SLC10A7: variants seen among roughly 807,000 people sequenced by gnomAD.
SLC10A7 encodes the protein solute carrier family 10 member 7.
SLC10A7 carries 29 observed loss-of-function variants against 43.2 expected under a neutral mutation model. The ratio of observed to expected loss-of-function variants is 0.67; its 90% confidence interval spans 0.50 to 0.92. The LOEUF (loss-of-function observed/expected upper bound fraction) is 0.92, where lower values mean the gene tolerates loss of function less well. Among genes scored for constraint, SLC10A7 ranks in the 40% least tolerant of loss-of-function variants. SLC10A7 has a pLI of 0.00. For synonymous variants in SLC10A7, 152 were observed against 144.8 expected (o/e 1.05, Z -0.35); for missense variants, 295 against 403.2 (o/e 0.73, Z 2.30).
intron 10 of SLC10A7, among the ~76,000 whole-genome samples, chr4:146,281,025 T>C (rs1461410478): frequency 6.6e-6 from 1 of 152,146 alleles, no homozygotes; most frequent in Non-Finnish European, 1.5e-5. Context: ...CAGCATCATA[T>C]TGGAGGATCT....
intron 4 of SLC10A7, among the ~76,000 whole-genome samples, chr4:146,469,036 C>T (rs1352941103): frequency 6.6e-6 from 1 of 152,020 alleles, no homozygotes. Context: ...TCAGGGTTCT[C>T]CTGAAATTTC....
chr4:146,292,710 A>G (rs566489933), intron 9 of SLC10A7, among the ~76,000 whole-genome samples: 2 of 152,342 alleles, frequency 1.3e-5, no homozygotes, highest in African/African-American at 4.8e-5. Context: ...GGCCTGCCTA[A>G]GCACTCAATG....
At chr4:146,454,188 A>G (rs1358346918) in intron 4 of SLC10A7, among the ~76,000 whole-genome samples, 2 of 151,966 alleles carry the variant, frequency 1.3e-5, no homozygotes, top group Admixed American at 1.3e-4. Context: ...TCACAATAAC[A>G]ATACCTAATA....
chr4:146,361,727 A>G (rs1309383681), intron 5 of SLC10A7, among the ~76,000 whole-genome samples: 2 of 152,198 alleles, frequency 1.3e-5, no homozygotes, highest in African/African-American at 4.8e-5. Flanking sequence ...CATGACATCA[A>G]CAAACAGACT....
intron 5 of SLC10A7, among the ~76,000 whole-genome samples, chr4:146,389,726 G>C (rs1205078845): frequency 2.0e-5 from 3 of 152,174 alleles, no homozygotes; most frequent in Admixed American, 6.5e-5. Flanking sequence ...CAGGGAGGGG[G>C]AATGGCTGTT....
In SLC10A7 at chr4:146,323,439, A is replaced by C. The variant is rs1334227672; in HGVS notation, c.471+2522T>G. Among the ~76,000 whole-genome samples, 12 of 152,278 alleles carry C rather than the reference A, an allele frequency of 7.9e-5. No homozygotes were observed. In the East Asian group the frequency reaches 2.3e-3, roughly 29 times the overall value. On this transcript the variant is annotated intron_variant, in intron 6 of 11. Coordinates refer to ENST00000335472, the MANE Select transcript of SLC10A7 (RefSeq NM_001029998.6). ...GGAAGGGATCCAGTTTCAGCTTTCT[A>C]CATATGGCTAGCCAGTTTTCCCAGC...
chr4:146,519,322 T>TATG (rs1738397031), intron 1 of SLC10A7, among the ~76,000 whole-genome samples: 1 of 144,734 alleles, frequency 6.9e-6, no homozygotes, highest in African/African-American at 2.5e-5. Context: ...TAATACATTA[T>TATG]TTAACATAAT....
At chr4:146,311,176 T>C (rs1479239642) in intron 6 of SLC10A7, among the ~76,000 whole-genome samples, 1 of 152,102 alleles carries the variant, frequency 6.6e-6, no homozygotes, top group East Asian at 1.9e-4. Flanking sequence ...GGAAGCAAGA[T>C]TGACTGTTAT....
intron 5 of SLC10A7, among the ~76,000 whole-genome samples, chr4:146,410,472 C>T (rs944082152): frequency 2.6e-5 from 4 of 152,154 alleles, no homozygotes; most frequent in Non-Finnish European, 4.4e-5. Context: ...AGTAGACACA[C>T]ATAGACTTCC....
intron 4 of SLC10A7, among the ~76,000 whole-genome samples, chr4:146,459,224 T>C (rs967229036): frequency 3.9e-5 from 6 of 151,952 alleles, no homozygotes; most frequent in African/African-American, 1.4e-4. Context: ...TAGAGAGATA[T>C]GGATTAGAAT....
intron 5 of SLC10A7, among the ~76,000 whole-genome samples, chr4:146,377,884 A>T: frequency 6.6e-6 from 1 of 152,202 alleles, no homozygotes; most frequent in Non-Finnish European, 1.5e-5. Flanking sequence ...ACAAAATTCA[A>T]ACTTCATAGG....
At chr4:146,406,640 C>A (rs1727718784) in intron 5 of SLC10A7, among the ~76,000 whole-genome samples, 2 of 147,324 alleles carry the variant, frequency 1.4e-5, no homozygotes, top group African/African-American at 2.7e-5. Context: ...AAGAAGCCAA[C>A]CACCAGCCAT....
intron 10 of SLC10A7, among the ~76,000 whole-genome samples, chr4:146,275,942 C>T (rs2111078772): frequency 6.6e-6 from 1 of 152,168 alleles, no homozygotes; most frequent in East Asian, 1.9e-4. Context: ...CATTCCAGAG[C>T]AGAATTTGGT....
rs1159672642 is a variant in SLC10A7 at position 146,503,737 on chromosome 4, A to G, written c.396+112T>C. 5.7e-6 allele frequency: 5 copies of G among 877,978 alleles called. No homozygotes were observed. In the African/African-American group the frequency reaches 8.3e-5, roughly 15 times the overall value. The allele number at this position is 877,978 out of a possible 1,614,324, so 54.4% of individuals were successfully genotyped here. On this transcript the variant is annotated intron_variant, in intron 4 of 11. Transcript: ENST00000335472. Reference sequence around the variant, plus strand: ...ACACCTCCTTCTTTCACAAGCTGCTATGGCTAGGAGTTTTCTGCAACATCA... The same window carrying G: ...ACACCTCCTTCTTTCACAAGCTGCTGTGGCTAGGAGTTTTCTGCAACATCA...
intron 5 of SLC10A7, among the ~76,000 whole-genome samples, chr4:146,372,453 CAAAAAA>C (rs3042366): frequency 6.0e-5 from 7 of 117,014 alleles, no homozygotes; most frequent in African/African-American, 1.6e-4. Context: ...AACCCTGTTT[CAAAAAA>C]AAAAAAAAAA....
intron 5 of SLC10A7, among the ~76,000 whole-genome samples, chr4:146,343,769 A>T (rs746096426): frequency 6.6e-5 from 10 of 152,076 alleles, no homozygotes; most frequent in Non-Finnish European, 1.3e-4. Context: ...ACATCAATAA[A>T]AAAAGGATAG....
At chr4:146,357,323 G>C (rs767725990) in intron 5 of SLC10A7, among the ~76,000 whole-genome samples, 3 of 152,108 alleles carry the variant, frequency 2.0e-5, no homozygotes, top group Non-Finnish European at 4.4e-5. Context: ...TTGCACACGG[G>C]AATGTGTGTG....
chr4:146,340,430 A>C (rs1341772231), intron 5 of SLC10A7, among the ~76,000 whole-genome samples: 1 of 151,846 alleles, frequency 6.6e-6, no homozygotes, highest in Non-Finnish European at 1.5e-5. Context: ...TAAAAAACAA[A>C]GACCCAGGCT....
rs1274820227 is a variant in SLC10A7 at position 146,521,724 on chromosome 4, T to G, written c.-7A>C. On this transcript the variant is annotated 5_prime_UTR_variant, in exon 1 of 12. An upstream open reading frame in the 5' UTR loses its in-frame stop. Coordinates refer to ENST00000335472, the MANE Select transcript of SLC10A7 (RefSeq NM_001029998.6). ...TTCTCTCCAGCAGCCTCATATTTGT[T>G]AGGGTGGGTGGGTTTTGTTTATTTG... The G allele has an allele frequency of 5.0e-6, 8 of 1,612,102 alleles. No individual in the cohort carries two copies. Among genetic ancestry groups the G allele is most frequent in the Non-Finnish European group, 5.9e-6 (7 of 1,178,204 alleles).
Sources: allele counts gnomAD v4.1 joint callset (sites outside exome capture counted in the v4.1 genomes callset), GRCh38; gene constraint gnomAD v4.1.1; transcripts MANE v1.5; gene names NCBI Gene and HGNC (gene_info 2026-07-23, HGNC 2026-07-21).